The following RBFOX1 variants were observed in gnomAD, a reference collection of about 807,000 sequenced individuals.
RBFOX1 encodes the protein RNA binding protein fox-1 homolog 1.
RBFOX1 carries 8 observed loss-of-function variants against 57.7 expected under a neutral mutation model. The ratio of observed to expected loss-of-function variants is 0.14; its 90% confidence interval spans 0.08 to 0.25. The LOEUF (loss-of-function observed/expected upper bound fraction) is 0.25, where lower values mean the gene tolerates loss of function less well. RBFOX1 is among the 10% of genes least tolerant of loss of function. The pLI is 1.00. For missense variants in RBFOX1, 611 were observed against 548.5 expected (o/e 1.11, Z -1.14); for synonymous variants, 326 against 222.4 (o/e 1.47, Z -4.15).
At chr16:5,614,592 T>A (rs1360096536) in intron 3 of RBFOX1, among the ~76,000 whole-genome samples, 2 of 152,190 alleles carry the variant, frequency 1.3e-5, no homozygotes, top group Non-Finnish European at 2.9e-5. Context: ...TCTTCAGAGG[T>A]ATATTTATTA....
At chr16:6,692,521 C>T (rs1002846145) in intron 3 of RBFOX1, among the ~76,000 whole-genome samples, 10 of 152,270 alleles carry the variant, frequency 6.6e-5, no homozygotes, top group African/African-American at 2.2e-4. Context: ...ATGTGTCGGC[C>T]TCCTGGTTCC....
chr16:7,342,733 C>T (rs951338543), intron 4 of RBFOX1, among the ~76,000 whole-genome samples: 1 of 152,016 alleles, frequency 6.6e-6, no homozygotes, highest in East Asian at 1.9e-4. Context: ...GACATCTTGG[C>T]TCATGGCTCT....
rs28637362 is a variant in RBFOX1 at position 7,504,747 on chromosome 16, A to T, written c.28-13400A>T. On this transcript the variant is annotated intron_variant, in intron 4 of 15. Transcript: ENST00000550418. ...TATATATATATATATATATATATAT[A>T]TATATATTTATATATATATATATTT... is the stretch of plus-strand genomic sequence containing the variant. Among the ~76,000 whole-genome samples the T allele has an allele frequency of 4.0e-3, 49 of 12,328 alleles. 2 individuals carry two copies. Among genetic ancestry groups the T allele is most frequent in the African/African-American group, 9.1e-3 (35 of 3,844 alleles). 8.1% of individuals were successfully genotyped at this position (12,328 alleles called of 152,430 possible). A position where few individuals can be genotyped will look rare whatever the true frequency, so the allele number is the denominator to read the frequency against.
At chr16:6,190,171 C>T (rs991371654) in intron 1 of RBFOX1, among the ~76,000 whole-genome samples, 1 of 152,170 alleles carries the variant, frequency 6.6e-6, no homozygotes, top group African/African-American at 2.4e-5. Context: ...TACTCCTGTG[C>T]TTCAAATTCT....
At chr16:5,883,483 C>T (rs999980334) in intron 4 of RBFOX1, among the ~76,000 whole-genome samples, 1 of 151,300 alleles carries the variant, frequency 6.6e-6, no homozygotes, top group African/African-American at 2.4e-5. Context: ...GGTAAGTAAA[C>T]TGTCTCGGAG....
chr16:6,796,311 G>A (rs2084030788), intron 3 of RBFOX1, among the ~76,000 whole-genome samples: 1 of 152,078 alleles, frequency 6.6e-6, no homozygotes, highest in Admixed American at 6.6e-5. Context: ...TGGGAATTGT[G>A]GCAGTTACAA....
At chr16:7,546,287 A>G (rs1326588350) in intron 5 of RBFOX1, among the ~76,000 whole-genome samples, 1 of 152,010 alleles carries the variant, frequency 6.6e-6, no homozygotes, top group Non-Finnish European at 1.5e-5. Context: ...AGATCACACC[A>G]CTGCACTCTA....
intron 3 of RBFOX1, among the ~76,000 whole-genome samples, chr16:7,045,891 C>G (rs1220369279): frequency 6.6e-6 from 1 of 152,140 alleles, no homozygotes; most frequent in African/African-American, 2.4e-5. Context: ...CTCCTGACCT[C>G]AGATGATCTG....
chr16:6,083,634 G>A (rs913236705), intron 1 of RBFOX1, among the ~76,000 whole-genome samples: 5 of 151,870 alleles, frequency 3.3e-5, no homozygotes. Context: ...GCGCCACCAC[G>A]CCCAGCTAAT....
intron 3 of RBFOX1, among the ~76,000 whole-genome samples, chr16:6,776,446 C>G (rs934011663): frequency 7.9e-6 from 1 of 126,788 alleles, no homozygotes; most frequent in Non-Finnish European, 1.8e-5. Context: ...AACAAACAAA[C>G]AAAAAAACAT....
At chr16:7,247,237 C>G (rs529171233) in intron 4 of RBFOX1, among the ~76,000 whole-genome samples, 1 of 152,120 alleles carries the variant, frequency 6.6e-6, no homozygotes, top group Admixed American at 6.5e-5. Flanking sequence ...AGAGAAACTT[C>G]TATTGTGCAA....
At chr16:7,468,300 A>C (rs865907554) in intron 4 of RBFOX1, among the ~76,000 whole-genome samples, 3 of 152,230 alleles carry the variant, frequency 2.0e-5, no homozygotes, top group Non-Finnish European at 4.4e-5. Flanking sequence ...TTATCAAAAA[A>C]TAAGACTGTG....
At chr16:7,029,673 C>T (rs2042290654) in intron 3 of RBFOX1, among the ~76,000 whole-genome samples, 1 of 152,160 alleles carries the variant, frequency 6.6e-6, no homozygotes, top group African/African-American at 2.4e-5. Flanking sequence ...TTCTAATTTT[C>T]AAAACAGATG....
intron 1 of RBFOX1, among the ~76,000 whole-genome samples, chr16:5,251,727 T>C (rs544772475): frequency 2.0e-5 from 3 of 149,860 alleles, no homozygotes; most frequent in Admixed American, 1.3e-4. Flanking sequence ...TCTGGGGTGA[T>C]TGAAATGTTT....
chr16:6,693,821 C>T (rs902206172), intron 3 of RBFOX1, among the ~76,000 whole-genome samples: 1 of 151,796 alleles, frequency 6.6e-6, no homozygotes, highest in African/African-American at 2.4e-5. Context: ...TCATCATTCT[C>T]CACTACCATC....
intron 4 of RBFOX1, among the ~76,000 whole-genome samples, chr16:7,414,533 C>G (rs532018223): frequency 6.6e-6 from 1 of 152,162 alleles, no homozygotes; most frequent in Non-Finnish European, 1.5e-5. Context: ...AAAAGTGTGA[C>G]TTTCCAACCA....
At chr16:6,964,389 A>G (rs1191976924) in intron 3 of RBFOX1, among the ~76,000 whole-genome samples, 1 of 152,122 alleles carries the variant, frequency 6.6e-6, no homozygotes, top group Non-Finnish European at 1.5e-5. Context: ...GTCGTTATAT[A>G]TTGGTCTCAA....
rs79422667 is a variant in RBFOX1 at position 6,063,896 on chromosome 16, A to G, written c.-127+43904A>G. Among the ~76,000 whole-genome samples, 1,273 of 152,288 alleles carry G rather than the reference A, an allele frequency of 8.4e-3. 15 individuals carry two copies. Among genetic ancestry groups the G allele is most frequent in the African/African-American group, 0.028 (1,180 of 41,556 alleles). The stretch of plus-strand genomic sequence containing the variant: ...TTTACTGGCCAAGATTTCTCTCTCC[A>G]GAATTCATTAATTTATTACCTTTTA... On this transcript the variant is annotated intron_variant, in intron 1 of 15. Coordinates refer to ENST00000550418, the MANE Select transcript of RBFOX1 (RefSeq NM_018723.4).
At chr16:6,362,340 C>T (rs544484808) in intron 2 of RBFOX1, among the ~76,000 whole-genome samples, 3 of 152,092 alleles carry the variant, frequency 2.0e-5, no homozygotes, top group Non-Finnish European at 4.4e-5. Context: ...CAAAGGCAAA[C>T]ATCTTACAAA....
Sources: allele counts gnomAD v4.1 joint callset (sites outside exome capture counted in the v4.1 genomes callset), GRCh38; gene constraint gnomAD v4.1.1; transcripts MANE v1.5; gene names NCBI Gene and HGNC (gene_info 2026-07-23, HGNC 2026-07-21).